EML4: variants seen among roughly 807,000 people sequenced by gnomAD.
EML4 encodes the protein echinoderm microtubule-associated protein-like 4.
In EML4, 72 loss-of-function variants were observed where a neutral mutation model predicts 129.0. The observed-to-expected ratio is 0.56, with a 90% CI of 0.46 to 0.68. The LOEUF is 0.68. EML4 is among the 30% of genes least tolerant of loss of function. The probability of loss-of-function intolerance (pLI) is 0.00; values close to 1 mark genes in which losing one functional copy is unlikely to be tolerated. For missense variants in EML4, 1,363 were observed against 1,190.6 expected, an observed-to-expected ratio of 1.14 and a Z score of -2.13; for synonymous variants, 532 against 405.0, an observed-to-expected ratio of 1.31 and a Z score of -3.77.
chr2:42,310,595 C>G (rs1219458985), intron 17 of EML4, among the ~76,000 whole-genome samples: 4 of 152,202 alleles, frequency 2.6e-5, no homozygotes, highest in Admixed American at 1.3e-4. Context: ...ATCTGCTTGT[C>G]TCAGCCTCCC....
rs930504729 is a variant in EML4 at position 42,317,407 on chromosome 2, A to G, written c.2057-20A>G. On this transcript the variant is annotated intron_variant, in intron 18 of 22. Transcript: ENST00000318522. ...TTATCAGTATATTTCTCTAGTCAAC[A>G]CTGACCTATTTTATTCTAGATGGTA... The G allele has an allele frequency of 1.4e-6, 2 of 1,472,452 alleles. No homozygotes were observed. Among genetic ancestry groups the G allele is most frequent in the Non-Finnish European group, 1.9e-6 (2 of 1,058,026 alleles). The allele number at this position is 1,472,452 out of a possible 1,614,324, so 91.2% of individuals were successfully genotyped here.
chr2:42,325,602 TTATATA>T lies in EML4; in HGVS notation c.2242+80_2242+85del, dbSNP rs10530482. 2.8e-3 allele frequency: 361 copies of T among 129,308 alleles called. 9 individuals are homozygous for T. The highest frequency in any genetic ancestry group is 0.017 in the East Asian group (66 of 3,934). 8.0% of individuals were successfully genotyped at this position (129,308 alleles called of 1,614,324 possible). ...ATATATATATATGCTATGATTATAT[TTATATA>T]TATATATATATATATATATATATAT... On this transcript the variant is annotated intron_variant, in intron 20 of 22. Coordinates refer to ENST00000318522, the MANE Select transcript of EML4 (RefSeq NM_019063.5).
intron 2 of EML4, among the ~76,000 whole-genome samples, chr2:42,255,812 A>G (rs977861517): frequency 1.3e-5 from 2 of 152,236 alleles, no homozygotes; most frequent in African/African-American, 4.8e-5. Flanking sequence ...ACAAAAATGC[A>G]GTGTTATACC....
intron 13 of EML4, among the ~76,000 whole-genome samples, chr2:42,296,710 A>G (rs116771623): frequency 2.1e-4 from 32 of 152,278 alleles, no homozygotes; most frequent in African/African-American, 5.8e-4. Flanking sequence ...TTGGGTGTCA[A>G]TGTAGGAGTA....
Position 42,315,897 on chromosome 2 carries a change from GAAC to G in EML4, c.1968-61_1968-59del. The G allele has an allele frequency of 1.5e-5, 19 of 1,237,904 alleles. 1 individual carries two copies. The South Asian group carries it at 2.5e-4, about 16-fold the overall frequency. 76.7% of individuals were successfully genotyped at this position (1,237,904 alleles called of 1,614,324 possible). A position where few individuals can be genotyped will look rare whatever the true frequency, so the allele number is the denominator to read the frequency against. On this transcript the variant is annotated intron_variant, in intron 17 of 22. Coordinates refer to ENST00000318522, the MANE Select transcript of EML4 (RefSeq NM_019063.5). The stretch of plus-strand genomic sequence containing the variant: ...CTCCATCTCAAAAAAAAAAGAAAAA[GAAC>G]AACTTTTTTTTTCTATAAATGCTAA...
chr2:42,218,169 A>G (rs1673322502), intron 1 of EML4, among the ~76,000 whole-genome samples: 1 of 152,084 alleles, frequency 6.6e-6, no homozygotes, highest in Admixed American at 6.6e-5. Context: ...CTGTCAGATC[A>G]GTGGCATTAG....
At chr2:42,254,873 G>T (rs1676023703) in intron 2 of EML4, among the ~76,000 whole-genome samples, 1 of 152,114 alleles carries the variant, frequency 6.6e-6, no homozygotes, top group African/African-American at 2.4e-5. Flanking sequence ...TAGCCAAAAG[G>T]TGGAAACAAT....
chr2:42,258,373 T>C (rs188421372), intron 3 of EML4, among the ~76,000 whole-genome samples: 5 of 149,104 alleles, frequency 3.4e-5, no homozygotes, highest in African/African-American at 1.2e-4. Context: ...ATAATTGTAT[T>C]TCTTTTTTTA....
intron 13 of EML4, 106 bp from the exon 14 acceptor site, chr2:42,301,135 A>G: frequency 3.2e-6 from 3 of 949,622 alleles, no homozygotes; most frequent in South Asian, 1.7e-5. Flanking sequence ...AGTCATATGA[A>G]CTTTCTGATT....
intron 19 of EML4, among the ~76,000 whole-genome samples, chr2:42,322,267 G>C: frequency 6.6e-6 from 1 of 152,274 alleles, no homozygotes; most frequent in South Asian, 2.1e-4. Context: ...TATCATTAAA[G>C]GCAATTCAGT....
At chr2:42,254,191 A>T (rs900562899) in intron 2 of EML4, among the ~76,000 whole-genome samples, 2 of 152,204 alleles carry the variant, frequency 1.3e-5, no homozygotes, top group Non-Finnish European at 1.5e-5. Context: ...ACAGTGGCTC[A>T]CGCTTATAAT....
At chr2:42,254,712 G>A (rs11690731) in intron 2 of EML4, among the ~76,000 whole-genome samples, 13,223 of 151,706 alleles carry the variant, frequency 0.087, 799 homozygotes, top group Non-Finnish European at 0.13. Flanking sequence ...GTAAAATGGC[G>A]CAGCCACTGT....
chr2:42,235,624 G>T (rs776994716), intron 1 of EML4, among the ~76,000 whole-genome samples: 1 of 152,188 alleles, frequency 6.6e-6, no homozygotes, highest in Non-Finnish European at 1.5e-5. Flanking sequence ...GCTTTAGGAA[G>T]GGGAGATCAG....
intron 1 of EML4, among the ~76,000 whole-genome samples, chr2:42,184,807 AG>A (rs1278402165): frequency 6.6e-6 from 1 of 152,182 alleles, no homozygotes; most frequent in Non-Finnish European, 1.5e-5. Flanking sequence ...AGTCATATAT[AG>A]CCCTTTAAGT....
chr2:42,252,068 T>TTGGGATAGA (rs1279168164), intron 2 of EML4, among the ~76,000 whole-genome samples: 45 of 152,086 alleles, frequency 3.0e-4, no homozygotes, highest in African/African-American at 1.1e-3. Context: ...GAGAGACAGA[T>TTGGGATAGA]TGGGATAGAT....
chr2:42,247,981 A>C (rs1434079371), intron 2 of EML4, among the ~76,000 whole-genome samples: 1 of 152,094 alleles, frequency 6.6e-6, no homozygotes, highest in Non-Finnish European at 1.5e-5. Context: ...AGCTTATTTT[A>C]AATAGTTTAT....
chr2:42,178,153 G>C (rs148040637), intron 1 of EML4, among the ~76,000 whole-genome samples: 2 of 152,222 alleles, frequency 1.3e-5, no homozygotes, highest in African/African-American at 2.4e-5. Flanking sequence ...TGTAGAATCA[G>C]TGTAATTCAG....
intron 13 of EML4, among the ~76,000 whole-genome samples, chr2:42,295,812 T>A (rs552390472): frequency 3.9e-4 from 60 of 152,316 alleles, no homozygotes; most frequent in African/African-American, 1.4e-3. Context: ...AGGCTCACTT[T>A]CCCCTGAGCT....
chr2:42,252,216 G>A (rs941299606), intron 2 of EML4, among the ~76,000 whole-genome samples: 1 of 152,106 alleles, frequency 6.6e-6, no homozygotes, highest in Admixed American at 6.6e-5. Context: ...TTGTATTTAG[G>A]AACTGTCAGG....
Sources: allele counts gnomAD v4.1 joint callset (sites outside exome capture counted in the v4.1 genomes callset), GRCh38; gene constraint gnomAD v4.1.1; transcripts MANE v1.5; gene names NCBI Gene and HGNC (gene_info 2026-07-23, HGNC 2026-07-21).